Variants in SEL1L observed in about 807,000 individuals in gnomAD.
The protein encoded by SEL1L is protein sel-1 homolog 1.
In SEL1L, 52 loss-of-function variants were observed where a neutral mutation model predicts 109.8. That is an observed-to-expected ratio of 0.47 (90% CI 0.38 to 0.60). SEL1L has a LOEUF of 0.60. Among genes scored for constraint, SEL1L ranks in the 20% least tolerant of loss-of-function variants. The pLI is 0.00. For synonymous variants in SEL1L, 373 were observed against 339.6 expected (o/e 1.10, Z -1.08); for missense variants, 749 against 962.2 (o/e 0.78, Z 2.93).
intron 1 of SEL1L, among the ~76,000 whole-genome samples, chr14:81,531,849 A>C (rs1885338185): frequency 1.3e-5 from 2 of 152,062 alleles, no homozygotes; most frequent in Admixed American, 1.3e-4. Context: ...CAGGTGTTTT[A>C]TGATATATGA....
In SEL1L at chr14:81,523,399, C is replaced by T. The variant is rs560136263; in HGVS notation, c.340+3334G>A. Among the ~76,000 whole-genome samples, 108 of 152,200 alleles carry T rather than the reference C, an allele frequency of 7.1e-4. No homozygotes were observed. In the Middle Eastern group the frequency reaches 0.01, roughly 14 times the overall value. The stretch of plus-strand genomic sequence containing the variant: ...ATGGAGATTCCTGGAAGGTGGGTGG[C>T]GTGATCAGATCAGAGTGGGCATGGA... On this transcript the variant is annotated intron_variant, in intron 3 of 20. Coordinates refer to ENST00000336735, the MANE Select transcript of SEL1L (RefSeq NM_005065.6).
chr14:81,527,585 C>A (rs1885162844), intron 2 of SEL1L, 116 bp downstream of exon 2: 1 of 683,868 alleles, frequency 1.5e-6, no homozygotes, highest in East Asian at 2.9e-5. Context: ...CTTTTTCTGT[C>A]CTTTTTAATT....
intron 11 of SEL1L, among the ~76,000 whole-genome samples, chr14:81,493,886 T>G (rs1278325507): frequency 1.3e-5 from 2 of 152,206 alleles, no homozygotes; most frequent in Non-Finnish European, 2.9e-5. Context: ...CTGGTTTCCA[T>G]CCTAAGTCTA....
intron 18 of SEL1L, 84 bp from the exon 19 acceptor site, chr14:81,484,481 G>A: frequency 7.9e-7 from 1 of 1,259,560 alleles, no homozygotes; most frequent in Non-Finnish European, 1.1e-6. Flanking sequence ...CCATTGACAT[G>A]CTTACATAAA....
chr14:81,478,991 AG>A (rs577403798), intron 20 of SEL1L, among the ~76,000 whole-genome samples: 12 of 152,340 alleles, frequency 7.9e-5, no homozygotes, highest in Admixed American at 5.2e-4. Flanking sequence ...AATCCATTCT[AG>A]GAACTATAGT....
Position 81,476,724 on chromosome 14 carries a change from A to G in SEL1L, c.*248T>C. 1 of 472,724 alleles carries G rather than the reference A, an allele frequency of 2.1e-6. No homozygotes were observed. The highest frequency in any genetic ancestry group is 3.8e-6 in the Non-Finnish European group (1 of 263,744). The allele number at this position is 472,724 out of a possible 1,614,324, so 29.3% of individuals were successfully genotyped here. On this transcript the variant is annotated 3_prime_UTR_variant, in exon 21 of 21. Coordinates refer to ENST00000336735, the MANE Select transcript of SEL1L (RefSeq NM_005065.6). Reference sequence around the variant, plus strand: ...TCTCACATATGTTTCCAGAAAAGAAAAAAAAAAGCCACTGAAAGTTGTTAT... The same window carrying G: ...TCTCACATATGTTTCCAGAAAAGAAGAAAAAAAGCCACTGAAAGTTGTTAT...
At chr14:81,515,437 A>T (rs547873072) in intron 3 of SEL1L, among the ~76,000 whole-genome samples, 3 of 152,226 alleles carry the variant, frequency 2.0e-5, no homozygotes, top group Non-Finnish European at 4.4e-5. Context: ...GACACCTGGT[A>T]TCTTAGTCAA....
At chr14:81,509,539 T>C (rs1439399054) in intron 3 of SEL1L, among the ~76,000 whole-genome samples, 1 of 152,202 alleles carries the variant, frequency 6.6e-6, no homozygotes, top group African/African-American at 2.4e-5. Context: ...ATATTTATAG[T>C]ACAGAACTTA....
At chr14:81,512,603 C>G (rs1025528330) in intron 3 of SEL1L, among the ~76,000 whole-genome samples, 3 of 152,186 alleles carry the variant, frequency 2.0e-5, no homozygotes, top group Non-Finnish European at 4.4e-5. Flanking sequence ...TACTGAGGAG[C>G]TGAACAGGAA....
intron 1 of SEL1L, among the ~76,000 whole-genome samples, chr14:81,533,146 T>TA (rs1885399605): frequency 6.6e-6 from 1 of 152,042 alleles, no homozygotes; most frequent in Non-Finnish European, 1.5e-5. Flanking sequence ...TTCAAAAAAG[T>TA]AAAAAGTGGC....
intron 6 of SEL1L, among the ~76,000 whole-genome samples, chr14:81,502,176 T>C (rs1884041501): frequency 6.6e-6 from 1 of 152,122 alleles, no homozygotes; most frequent in African/African-American, 2.4e-5. Flanking sequence ...TGATATCTCA[T>C]TTTAATAAAA....
chr14:81,508,267 A>G (rs1884321899), intron 3 of SEL1L, among the ~76,000 whole-genome samples: 1 of 152,218 alleles, frequency 6.6e-6, no homozygotes, highest in South Asian at 2.1e-4. Flanking sequence ...TCATCCTGGT[A>G]ATAAGAGGCA....
rs1348034251 is a variant in SEL1L, at chr14:81,523,152, G to A, written c.340+3581C>T. ...GAAAATTGGTGGCTGGAGGTTCCTA[G>A]AGAGCCTTGGGATAGGACTTGGTTG... On this transcript the variant is annotated intron_variant, in intron 3 of 20. Transcript: ENST00000336735. Among the ~76,000 whole-genome samples the A allele has an allele frequency of 2.6e-5, 4 of 152,162 alleles. No individual in the cohort carries two copies. In the East Asian group the frequency reaches 5.8e-4, roughly 22 times the overall value.
chr14:81,477,303 A>ATGTGTGTGTG (rs10690579), intron 20 of SEL1L, 122 bp from the exon 21 acceptor site: 83,529 of 537,314 alleles, frequency 0.16, 4,439 homozygotes, highest in East Asian at 0.19. Flanking sequence ...ACGTTTTGCA[A>ATGTGTGTGTG]TGTGTGTGTG....
rs1010324879 is a variant in SEL1L, at chr14:81,471,855, G to A, written c.*5117C>T. On this transcript the variant is annotated 3_prime_UTR_variant, in exon 21 of 21. Coordinates refer to ENST00000336735, the MANE Select transcript of SEL1L (RefSeq NM_005065.6). ...TGACGTAAGTGACATGAGAAGGAACGTACAAAGCCCATTACACAGCAGTAC... is the reference window on the plus strand; with the variant it reads ...TGACGTAAGTGACATGAGAAGGAACATACAAAGCCCATTACACAGCAGTAC... 13 of 152,100 alleles carry A rather than the reference G, an allele frequency of 8.5e-5. No individual in the cohort carries two copies. The highest frequency in any genetic ancestry group is 2.7e-4 in the African/African-American group (11 of 41,424). 9.4% of individuals were successfully genotyped at this position (152,100 alleles called of 1,614,324 possible).
intron 20 of SEL1L, 139 bp from the exon 21 acceptor site, chr14:81,477,320 T>TGTGTGA (rs1903195841): frequency 1.6e-6 from 1 of 637,600 alleles, no homozygotes. Context: ...TGTGTGTGTG[T>TGTGTGA]GTGTGTGTGT....
Position 81,484,318 on chromosome 14 carries a change from A to C in SEL1L, c.1953T>G (p.Phe651Leu), listed in dbSNP as rs1315535375. 2 of 1,614,148 alleles carry C rather than the reference A, an allele frequency of 1.2e-6. No individual in the cohort carries two copies. Among genetic ancestry groups the C allele is most frequent in the Middle Eastern group, 1.6e-4 (1 of 6,062 alleles). Reference sequence around the variant, plus strand: ...GCTCAGAAGCCAGACGGTAATGAATAAATGCAGTTTCATAATCTACATCGG... The same window carrying C: ...GCTCAGAAGCCAGACGGTAATGAATCAATGCAGTTTCATAATCTACATCGG... ...FGTDVDYETA[F>L]IHYRLASEQQ... Residue 651 changes from phenylalanine (F) to leucine (L), a missense_variant, in exon 19 of 21, where the codon TTT becomes TTG. By Grantham distance (22) the Phe-to-Leu change is conservative. Around this residue, in one of 2 missense-constraint regions of SEL1L, gnomAD observed 383 missense variants for 562.5 expected, o/e 0.68. Coordinates refer to ENST00000336735, the MANE Select transcript of SEL1L (RefSeq NM_005065.6).
chr14:81,493,253 T>C (rs1296848567), intron 11 of SEL1L, among the ~76,000 whole-genome samples: 3 of 152,188 alleles, frequency 2.0e-5, no homozygotes, highest in Admixed American at 2.0e-4. Flanking sequence ...CTCTCACCTG[T>C]AATCCCTGCA....
intron 19 of SEL1L, among the ~76,000 whole-genome samples, chr14:81,483,327 G>C (rs913031520): frequency 6.6e-6 from 1 of 152,096 alleles, no homozygotes; most frequent in South Asian, 2.1e-4. Flanking sequence ...TTGTAGATTT[G>C]ATCAACAATG....
Sources: gnomAD v4.1 joint callset for allele counts (sites outside exome capture counted in the v4.1 genomes callset) on GRCh38, gnomAD v4.1.1 for gene constraint, gnomAD v4.1.1 regional missense constraint, MANE v1.5 for transcripts, NCBI Gene and HGNC (gene_info 2026-07-23, HGNC 2026-07-21) for gene names.